The following YEATS2 variants were observed in gnomAD, a reference collection of about 807,000 sequenced individuals.
YEATS2 encodes the protein YEATS domain-containing protein 2.
In YEATS2, 77 loss-of-function variants were observed where a neutral mutation model predicts 163.2. The ratio of observed to expected loss-of-function variants is 0.47; its 90% CI spans 0.39 to 0.57. The LOEUF is 0.57. Among genes scored for constraint, YEATS2 ranks in the 20% least tolerant of loss-of-function variants. YEATS2 has a pLI of 0.00. For missense variants in YEATS2, 1,549 were observed against 1,729.8 expected (o/e 0.90, Z 1.85); for synonymous variants, 631 against 645.1 (o/e 0.98, Z 0.33).
intron 9 of YEATS2, among the ~76,000 whole-genome samples, chr3:183,751,138 G>A (rs778192198): frequency 1.3e-5 from 2 of 152,102 alleles, no homozygotes; most frequent in African/African-American, 2.4e-5. Context: ...GTAAGGTAAG[G>A]GTCCGATTGC....
At position 183,788,013 on chromosome 3, in the gene YEATS2, TATAA is replaced by T. The variant is rs553387014; in HGVS notation, c.2913+1719_2913+1722del. ...GCGAGATTCCATCTCAAAAAATATA[TATAA>T]ATAAATTATTATGGGTACATAATCA... On this transcript the variant is annotated intron_variant, in intron 20 of 30. Transcript: ENST00000305135. Among the ~76,000 whole-genome samples, 407 of 152,136 alleles carry T rather than the reference TATAA, an allele frequency of 2.7e-3. 2 individuals carry two copies. The Middle Eastern group carries it at 0.027, about 10-fold the overall frequency.
Position 183,807,000 on chromosome 3 carries a change from A to G in YEATS2, c.3919A>G (p.Ile1307Val). 6.2e-7 allele frequency: 1 copy of G among 1,614,190 alleles called. No individual in the cohort carries two copies. The highest frequency in any genetic ancestry group is 8.5e-7 in the Non-Finnish European group (1 of 1,180,014). The change falls in exon 28 of 31, where the codon ATC becomes GTC. Residue 1307 changes from isoleucine to valine, a missense_variant. Coordinates refer to ENST00000305135, the MANE Select transcript of YEATS2 (RefSeq NM_018023.5). Reference sequence around the variant, plus strand: ...CCTCTCCGAGCCAGTGAAGATAAACATCAAGAAGGAGCAGGAAGAGAAACA... The same window carrying G: ...CCTCTCCGAGCCAGTGAAGATAAACGTCAAGAAGGAGCAGGAAGAGAAACA... Reference protein sequence around the residue: ...LSLSEPVKINIKKEQEEKQEE... With the variant: ...LSLSEPVKINVKKEQEEKQEE...
chr3:183,754,549 A>T (rs942655528), intron 11 of YEATS2, among the ~76,000 whole-genome samples, 184 bp downstream of exon 11: 1 of 152,256 alleles, frequency 6.6e-6, no homozygotes, highest in Non-Finnish European at 1.5e-5. Flanking sequence ...AAGCTCATTC[A>T]TACGGAAATG....
intron 15 of YEATS2, among the ~76,000 whole-genome samples, chr3:183,763,221 G>A (rs927121711): frequency 6.6e-5 from 10 of 152,238 alleles, no homozygotes; most frequent in Admixed American, 5.9e-4. Flanking sequence ...AGATAGAATA[G>A]CTAACTACAC....
rs200829142 is a variant in YEATS2, at chr3:183,798,285, T to TA, written c.3226+235dup. On this transcript the variant is annotated intron_variant, in intron 22 of 30. Transcript: ENST00000305135. ...TCGTTGGCTTCTAAACAGCTGCCCT[T>TA]ATCTAAAGTTGAGTTGAGGGGGAAC... Among the ~76,000 whole-genome samples, 889 of 152,338 alleles carry TA rather than the reference T, an allele frequency of 5.8e-3. 37 individuals carry two copies. Among genetic ancestry groups the TA allele is most frequent in the Admixed American group, 0.053 (817 of 15,304 alleles).
In YEATS2 at chr3:183,761,475, T is replaced by C. The variant is rs767976053; in HGVS notation, c.1657-32T>C. ...GATATCTGAAATCACCCATTTCTCC[T>C]GATTGTAAAATATGTATTTTTACAC... On this transcript the variant is annotated intron_variant, in intron 13 of 30. Coordinates refer to ENST00000305135, the MANE Select transcript of YEATS2 (RefSeq NM_018023.5). 6 of 1,573,324 alleles carry C rather than the reference T, an allele frequency of 3.8e-6. No homozygotes were observed. In the Admixed American group the frequency reaches 1.0e-4, roughly 26 times the overall value.
chr3:183,775,853 T>C, intron 17 of YEATS2, 62 bp from the exon 18 acceptor site: 2 of 1,607,180 alleles, frequency 1.2e-6, no homozygotes, highest in Non-Finnish European at 1.7e-6. Context: ...CTCATTTGTT[T>C]TTTATGCTAA....
chr3:183,698,437 T>A (rs781118082), intron 1 of YEATS2, among the ~76,000 whole-genome samples: 1 of 151,968 alleles, frequency 6.6e-6, no homozygotes, highest in Non-Finnish European at 1.5e-5. Context: ...TCAGAGAGGC[T>A]TTGGGGGTCC....
chr3:183,750,188 G>A (rs1375087812), intron 9 of YEATS2, among the ~76,000 whole-genome samples: 2 of 152,000 alleles, frequency 1.3e-5, no homozygotes, highest in African/African-American at 4.8e-5. Flanking sequence ...TCAACTCCTG[G>A]GCTCAAGCTG....
At chr3:183,803,914 T>C in intron 26 of YEATS2, 73 bp from the exon 27 acceptor site, 1 of 1,511,060 alleles carries the variant, frequency 6.6e-7, no homozygotes, top group Non-Finnish European at 9.1e-7. Context: ...TGGTGATTTA[T>C]GGTTGCATGA....
At chr3:183,756,385 C>A in intron 11 of YEATS2, 143 bp from the exon 12 acceptor site, 1 of 677,530 alleles carries the variant, frequency 1.5e-6, no homozygotes, top group Non-Finnish European at 2.4e-6. Context: ...CTGCTCAGTA[C>A]CGGGAGCACG....
At chr3:183,708,117 C>T (rs1257783331) in intron 1 of YEATS2, among the ~76,000 whole-genome samples, 1 of 149,628 alleles carries the variant, frequency 6.7e-6, no homozygotes, top group Non-Finnish European at 1.5e-5. Context: ...TTTCAAGTGT[C>T]TAATTTATCA....
At chr3:183,808,792 G>A (rs1008623031) in intron 29 of YEATS2, 2 of 234,852 alleles carry the variant, frequency 8.5e-6, no homozygotes, top group Admixed American at 5.4e-5. Flanking sequence ...GGAGGCGGAG[G>A]TTGCACTGAG....
At chr3:183,723,419 GTATT>G (rs754992395) in intron 5 of YEATS2, among the ~76,000 whole-genome samples, 4 of 152,146 alleles carry the variant, frequency 2.6e-5, no homozygotes, top group East Asian at 3.9e-4. Flanking sequence ...AAATATGTTT[GTATT>G]TATTTTTCAG....
intron 15 of YEATS2, among the ~76,000 whole-genome samples, chr3:183,765,292 G>C (rs1338938685): frequency 6.6e-6 from 1 of 152,216 alleles, no homozygotes; most frequent in African/African-American, 2.4e-5. Flanking sequence ...TAGCATTGCT[G>C]TTTATGTTAG....
chr3:183,758,027 T>C (rs1720947696), intron 12 of YEATS2, among the ~76,000 whole-genome samples: 1 of 152,152 alleles, frequency 6.6e-6, no homozygotes, highest in Non-Finnish European at 1.5e-5. Flanking sequence ...TAAATTTTTT[T>C]CAGACTCTAA....
At chr3:183,751,611 C>T (rs1030885917) in intron 9 of YEATS2, among the ~76,000 whole-genome samples, 1 of 152,080 alleles carries the variant, frequency 6.6e-6, no homozygotes, top group African/African-American at 2.4e-5. Context: ...AGACAGTAAA[C>T]ACAAAAGCAA....
chr3:183,802,035 C>T (rs1349129328), intron 25 of YEATS2: 2 of 154,526 alleles, frequency 1.3e-5, no homozygotes, highest in East Asian at 1.9e-4. Flanking sequence ...CTGTTTGACT[C>T]TAAGACCATT....
At chr3:183,767,530 AC>A (rs1722026908) in intron 15 of YEATS2, among the ~76,000 whole-genome samples, 1 of 151,880 alleles carries the variant, frequency 6.6e-6, no homozygotes, top group Admixed American at 6.6e-5. Context: ...ACAGGCACCC[AC>A]CACCATGCCT....
Sources: gnomAD v4.1 joint callset for allele counts (sites outside exome capture counted in the v4.1 genomes callset) on GRCh38, gnomAD v4.1.1 for gene constraint, MANE v1.5 for transcripts, NCBI Gene and HGNC (gene_info 2026-07-23, HGNC 2026-07-21) for gene names.